Variants in EDEM1 observed in about 807,000 individuals in gnomAD.
EDEM1 encodes ER degradation enhancing alpha-mannosidase like protein 1, also known as ER degradation-enhancing alpha-mannosidase-like protein 1.
EDEM1 carries 67 observed loss-of-function variants against 74.4 expected under a neutral mutation model. The observed-to-expected ratio is 0.90, with a 90% CI of 0.74 to 1.10. The LOEUF (loss-of-function observed/expected upper bound fraction) is 1.10. EDEM1 is among the 50% of genes least tolerant of loss of function. EDEM1 has a pLI of 0.00. For missense variants in EDEM1, 926 were observed against 851.6 expected (o/e 1.09, Z -1.09); for synonymous variants, 382 against 335.9 (o/e 1.14, Z -1.50).
At chr3:5,192,247 T>G (rs1268868292) in intron 1 of EDEM1, among the ~76,000 whole-genome samples, 1 of 152,218 alleles carries the variant, frequency 6.6e-6, no homozygotes, top group Non-Finnish European at 1.5e-5. Context: ...TCACCTGCAT[T>G]TCCCTTTGTC....
chr3:5,190,470 G>T (rs2054888205), intron 1 of EDEM1, among the ~76,000 whole-genome samples: 1 of 152,220 alleles, frequency 6.6e-6, no homozygotes, highest in African/African-American at 2.4e-5. Flanking sequence ...AGAACCTTAA[G>T]AATCCCTTCC....
At position 5,218,645 on chromosome 3, in the gene EDEM1, A is replaced by G. The variant is rs375538252; in HGVS notation, c.*2727A>G. 1.3e-5 allele frequency: 2 copies of G among 152,174 alleles called. No homozygotes were observed. The highest frequency in any genetic ancestry group is 4.8e-5 in the African/African-American group (2 of 41,434). The allele number at this position is 152,174 out of a possible 1,614,324, so 9.4% of individuals were successfully genotyped here. On this transcript the variant is annotated 3_prime_UTR_variant, in exon 12 of 12. Transcript: ENST00000256497. The stretch of plus-strand genomic sequence containing the variant: ...TGGAAACATTTTGCAGAACTGTTGT[A>G]GAAAGCTGCCTTATAGTTGGCTTGA...
intron 2 of EDEM1, among the ~76,000 whole-genome samples, chr3:5,197,081 T>G (rs57528200): frequency 6.3e-5 from 7 of 111,690 alleles, no homozygotes; most frequent in South Asian, 2.9e-4. Flanking sequence ...TTTTTTTTTT[T>G]TCCCCATTTT....
Position 5,216,050 on chromosome 3 carries a change from C to G in EDEM1, c.*132C>G, listed in dbSNP as rs1321372383. The stretch of plus-strand genomic sequence containing the variant: ...GTGGTGTAGGAATTTCTGTGCAACA[C>G]CTCACCACGTCTGGTTAATCCTTGC... On this transcript the variant is annotated 3_prime_UTR_variant, in exon 12 of 12. Transcript: ENST00000256497. The G allele has an allele frequency of 1.5e-6, 1 of 674,386 alleles. No homozygotes were observed. Among genetic ancestry groups the G allele is most frequent in the Non-Finnish European group, 2.5e-6 (1 of 394,032 alleles). The allele number at this position is 674,386 out of a possible 1,614,324, so 41.8% of individuals were successfully genotyped here.
chr3:5,199,999 A>C (rs1391883209), intron 3 of EDEM1, among the ~76,000 whole-genome samples: 1 of 149,390 alleles, frequency 6.7e-6, no homozygotes, highest in Non-Finnish European at 1.5e-5. Context: ...GCAGTGGTGC[A>C]ATCTTGGCTC....
At chr3:5,191,320 C>T (rs893645897) in intron 1 of EDEM1, among the ~76,000 whole-genome samples, 5 of 152,080 alleles carry the variant, frequency 3.3e-5, no homozygotes, top group African/African-American at 1.2e-4. Flanking sequence ...AACTCCTGGG[C>T]TCAAGCAGTC....
At chr3:5,199,796 G>A in intron 3 of EDEM1, 101 bp downstream of exon 3, 1 of 907,426 alleles carries the variant, frequency 1.1e-6, no homozygotes, top group Non-Finnish European at 1.7e-6. Context: ...ATCCAGGCAG[G>A]GAGTCCATAT....
chr3:5,200,324 C>G (rs2055019681), intron 3 of EDEM1, among the ~76,000 whole-genome samples: 1 of 152,214 alleles, frequency 6.6e-6, no homozygotes, highest in African/African-American at 2.4e-5. Context: ...TTTCTTCTTT[C>G]ACCGTGTCCT....
At position 5,205,084 on chromosome 3, in the gene EDEM1, C is replaced by G; in HGVS notation, c.1060C>G (p.Gln354Glu). 1.2e-6 allele frequency: 2 copies of G among 1,614,060 alleles called. No homozygotes were observed. Among genetic ancestry groups the G allele is most frequent in the Non-Finnish European group, 8.5e-7 (1 of 1,179,950 alleles). The change falls in exon 6 of 12, where the codon CAG becomes GAG. Residue 354 changes from glutamine (Q) to glutamate (E), a missense_variant. By Grantham distance (29) the Gln-to-Glu change is conservative. Transcript: ENST00000256497. ...TGLLGNVVNIQTGHWVGKQSG... is the reference protein window; with the variant it reads ...TGLLGNVVNIETGHWVGKQSG... ...TTTTGCAGGCAATGTCGTGAACATT[C>G]AGACGGGCCACTGGGTTGGAAAGCA... is the stretch of plus-strand genomic sequence containing the variant.
Position 5,208,162 on chromosome 3 carries a change from GGTGCCCTC to G in EDEM1, c.1409_1416del (p.Gly470AlafsTer2). Reference sequence around the variant, plus strand: ...CTACTATGCCATATGGAAACGATATGGTGCCCTCCCTGAGAGATATAACTGGCAGCTGC... The same window carrying G: ...CTACTATGCCATATGGAAACGATATGCCTGAGAGATATAACTGGCAGCTGC... On this transcript the variant is annotated frameshift_variant, in exon 8 of 12. Coordinates refer to ENST00000256497, the MANE Select transcript of EDEM1 (RefSeq NM_014674.3). LOFTEE classifies it high-confidence loss of function. 1.2e-6 allele frequency: 2 copies of G among 1,613,030 alleles called. No homozygotes were observed. The highest frequency in any genetic ancestry group is 1.7e-6 in the Non-Finnish European group (2 of 1,179,740).
At chr3:5,197,661 T>TA (rs1357900316) in intron 2 of EDEM1, among the ~76,000 whole-genome samples, 2 of 152,246 alleles carry the variant, frequency 1.3e-5, no homozygotes, top group African/African-American at 4.8e-5. Context: ...TTTCAGGTGT[T>TA]ACTTCTGTTG....
chr3:5,196,913 G>GTCTTTTCTTT (rs200427526), intron 2 of EDEM1, among the ~76,000 whole-genome samples: 28 of 150,370 alleles, frequency 1.9e-4, no homozygotes, highest in Non-Finnish European at 4.4e-5. Flanking sequence ...CATCGTCGTC[G>GTCTTTTCTTT]TCTTTTCTTT....
intron 11 of EDEM1, among the ~76,000 whole-genome samples, chr3:5,215,558 G>T (rs1243608435): frequency 1.3e-5 from 2 of 152,224 alleles, no homozygotes; most frequent in Non-Finnish European, 2.9e-5. Flanking sequence ...GTCTTCACCT[G>T]AGGGTGATTT....
intron 11 of EDEM1, among the ~76,000 whole-genome samples, chr3:5,214,330 C>T (rs1014857456): frequency 6.6e-6 from 1 of 152,180 alleles, no homozygotes; most frequent in African/African-American, 2.4e-5. Flanking sequence ...AGATGGGTTG[C>T]CTTGGCATTA....
In EDEM1 at chr3:5,219,668, A is replaced by T. The variant is rs933147395; in HGVS notation, c.*3750A>T. ...ATAGCAAAACACAAGCTGCATTTTT[A>T]TTTATTTTGCATAAGAAAGGTAAAT... is the stretch of plus-strand genomic sequence containing the variant. On this transcript the variant is annotated 3_prime_UTR_variant, in exon 12 of 12. Transcript: ENST00000256497. 6.6e-6 allele frequency: 1 copy of T among 152,588 alleles called. No homozygotes were observed. The highest frequency in any genetic ancestry group is 1.5e-5 in the Non-Finnish European group (1 of 68,008). 9.5% of individuals were successfully genotyped at this position (152,588 alleles called of 1,614,324 possible). A position where few individuals can be genotyped will look rare whatever the true frequency, so the allele number is the denominator to read the frequency against.
intron 2 of EDEM1, among the ~76,000 whole-genome samples, chr3:5,198,627 T>G (rs1411252613): frequency 6.6e-6 from 1 of 151,456 alleles, no homozygotes; most frequent in Non-Finnish European, 1.5e-5. Flanking sequence ...CCACAAGGAA[T>G]TTCCTTGTAG....
rs560572539 is a variant in EDEM1 at position 5,199,201 on chromosome 3, A to G, written c.583-391A>G. 8.5e-5 allele frequency among the ~76,000 whole-genome samples: 13 copies of G among 152,334 alleles called. No individual in the cohort carries two copies. The Middle Eastern group carries it at 0.01, about 120-fold the overall frequency. ...CTGCTGATTTATTTGAGGAGCAGAG[A>G]GAAAGACATATTTTTGTTTCTTCAG... On this transcript the variant is annotated intron_variant, in intron 2 of 11. Transcript: ENST00000256497.
Position 5,201,786 on chromosome 3 carries a change from A to T in EDEM1, c.720A>T (p.Ile240=). The T allele has an allele frequency of 3.1e-6, 5 of 1,614,198 alleles. No individual in the cohort carries two copies. The highest frequency in any genetic ancestry group is 4.2e-6 in the Non-Finnish European group (5 of 1,180,030). The change falls in exon 4 of 12, where the codon ATA becomes ATT. Residue 240 remains isoleucine, a synonymous_variant. Transcript: ENST00000256497. Reference sequence around the variant, plus strand: ...GAAGCCTCCTTTCTGCTCACAGAATAATAACTGACTCCAAGCAGCCCTTTG... The same window carrying T: ...GAAGCCTCCTTTCTGCTCACAGAATTATAACTGACTCCAAGCAGCCCTTTG... ...VLGSLLSAHR[I]ITDSKQPFGD...
rs7646106 is a variant in EDEM1 at position 5,216,286 on chromosome 3, C to G, written c.*368C>G. 2 of 178,988 alleles carry G rather than the reference C, an allele frequency of 1.1e-5. No individual in the cohort carries two copies. The highest frequency in any genetic ancestry group is 2.4e-5 in the African/African-American group (1 of 42,472). 11.1% of individuals were successfully genotyped at this position (178,988 alleles called of 1,614,324 possible). On this transcript the variant is annotated 3_prime_UTR_variant, in exon 12 of 12. Transcript: ENST00000256497. ...CTGCTATACTGGAGTATTGCTATGTCTTTAAAAAATTTTTTTTATTATATT... is the reference window on the plus strand; with the variant it reads ...CTGCTATACTGGAGTATTGCTATGTGTTTAAAAAATTTTTTTTATTATATT...
Sources: gnomAD v4.1 joint callset for allele counts (sites outside exome capture counted in the v4.1 genomes callset) on GRCh38, gnomAD v4.1.1 for gene constraint, MANE v1.5 for transcripts, NCBI Gene and HGNC (gene_info 2026-07-23, HGNC 2026-07-21) for gene names.